Variants in TP53BP2 observed in about 807,000 individuals in gnomAD.
The protein encoded by TP53BP2 is apoptosis-stimulating of p53 protein 2.
A neutral mutation model predicts 126.2 loss-of-function variants in TP53BP2; 62 were observed. The observed-to-expected ratio is 0.49, with a 90% CI of 0.40 to 0.61. TP53BP2 has a LOEUF of 0.61. Among genes scored for constraint, TP53BP2 ranks in the 20% least tolerant of loss-of-function variants. The probability of loss-of-function intolerance (pLI) is 0.00; values close to 1 mark genes in which losing one functional copy is unlikely to be tolerated. For missense variants in TP53BP2, 1,215 were observed against 1,402.8 expected, an observed-to-expected ratio of 0.87 and a Z score of 2.14; for synonymous variants, 485 against 502.9, an observed-to-expected ratio of 0.96 and a Z score of 0.48.
At chr1:223,834,747 A>T in intron 1 of TP53BP2, 1 of 843,304 alleles carries the variant, frequency 1.2e-6, no homozygotes, top group Non-Finnish European at 1.4e-6. Context: ...TCTGTCCTGT[A>T]GTGTCAATTC....
rs1190970047 is a variant in TP53BP2, at chr1:223,798,382, T to A, written c.1781A>T (p.Gln594Leu). 1 of 1,614,122 alleles carries A rather than the reference T, an allele frequency of 6.2e-7. No homozygotes were observed. Among genetic ancestry groups the A allele is most frequent in the East Asian group, 2.2e-5 (1 of 44,878 alleles). The stretch of plus-strand genomic sequence containing the variant: ...TGGAAGTAAGGTGTCTTTGGAAGGC[T>A]GGGGAGTAAAGGGCCGGACGGCAGC... ...PAAAVRPFTPQPSKDTLLPPF... is the reference protein window; with the variant it reads ...PAAAVRPFTPLPSKDTLLPPF... Residue 594 changes from glutamine (Q) to leucine (L), a missense_variant, in exon 12 of 18, where the codon CAG becomes CTG. By Grantham distance (113) the Gln-to-Leu change is moderately radical (BLOSUM62 -2). Transcript: ENST00000343537.
intron 15 of TP53BP2, among the ~76,000 whole-genome samples, chr1:223,790,676 C>T (rs1381931819): frequency 6.7e-6 from 1 of 150,004 alleles, no homozygotes; most frequent in African/African-American, 2.5e-5. Context: ...GCAATCTCAG[C>T]TCACTGCAGT....
chr1:223,780,992 G>A, intron 17 of TP53BP2, 98 bp from the exon 18 acceptor site: 1 of 1,177,870 alleles, frequency 8.5e-7, no homozygotes, highest in Non-Finnish European at 1.2e-6. Flanking sequence ...GATGTCATGG[G>A]AAGGAAATCA....
At chr1:223,821,099 G>T in intron 2 of TP53BP2, 121 bp downstream of exon 2, 1 of 1,253,572 alleles carries the variant, frequency 8.0e-7, no homozygotes, top group Non-Finnish European at 1.1e-6. Context: ...TATTTCTGCC[G>T]GACGTGCTAT....
chr1:223,831,480 A>AAAAAATAT (rs1287271743), intron 1 of TP53BP2, among the ~76,000 whole-genome samples: 4 of 32,466 alleles, frequency 1.2e-4, no homozygotes, highest in Non-Finnish European at 1.3e-4. Context: ...AAAAAAAAAA[A>AAAAAATAT]ATATATATAT....
At chr1:223,820,741 C>T (rs1211874292) in intron 2 of TP53BP2, among the ~76,000 whole-genome samples, 1 of 152,122 alleles carries the variant, frequency 6.6e-6, no homozygotes, top group African/African-American at 2.4e-5. Flanking sequence ...CAAAAAGAAA[C>T]CAGGCTATCC....
chr1:223,836,286 T>C (rs1017541772), intron 1 of TP53BP2, among the ~76,000 whole-genome samples: 13 of 152,110 alleles, frequency 8.5e-5, no homozygotes, highest in African/African-American at 3.1e-4. Context: ...TGCAACAGAG[T>C]ACAACTTGCT....
At chr1:223,823,614 A>T (rs1663392025) in intron 1 of TP53BP2, among the ~76,000 whole-genome samples, 1 of 152,256 alleles carries the variant, frequency 6.6e-6, no homozygotes, top group Non-Finnish European at 1.5e-5. Flanking sequence ...ACAGTTCTAG[A>T]GTTCAACTTA....
rs1664265634 is a variant in TP53BP2, at chr1:223,845,933, C to T, written c.-253G>A. On this transcript the variant is annotated 5_prime_UTR_variant, in exon 1 of 18. Coordinates refer to ENST00000343537, the MANE Select transcript of TP53BP2 (RefSeq NM_001031685.3). ...CGCTCGTGACGGTCGGGGCTCCCTCCTCCGCTCCGAAACCAACTAATCCCG... is the reference window on the plus strand; with the variant it reads ...CGCTCGTGACGGTCGGGGCTCCCTCTTCCGCTCCGAAACCAACTAATCCCG... 1 of 239,136 alleles carries T rather than the reference C, an allele frequency of 4.2e-6. No individual in the cohort carries two copies. Among genetic ancestry groups the T allele is most frequent in the South Asian group, 1.6e-4 (1 of 6,068 alleles). The allele number at this position is 239,136 out of a possible 1,614,324, so 14.8% of individuals were successfully genotyped here. A position where few individuals can be genotyped will look rare whatever the true frequency, so the allele number is the denominator to read the frequency against.
chr1:223,815,757 TA>T (rs60860638), intron 2 of TP53BP2, among the ~76,000 whole-genome samples: 5,876 of 152,220 alleles, frequency 0.039, 369 homozygotes, highest in African/African-American at 0.13. Flanking sequence ...AGTGGTCCCA[TA>T]AGATTTTAAG....
At chr1:223,829,734 C>CAAA (rs541890457) in intron 1 of TP53BP2, among the ~76,000 whole-genome samples, 2 of 101,498 alleles carry the variant, frequency 2.0e-5, no homozygotes, top group African/African-American at 6.7e-5. Context: ...ATAATCAGGT[C>CAAA]AAAAAAAAAA....
chr1:223,784,840 T>C (rs1661895768), intron 16 of TP53BP2, among the ~76,000 whole-genome samples: 1 of 152,190 alleles, frequency 6.6e-6, no homozygotes, highest in South Asian at 2.1e-4. Flanking sequence ...ATATAGAATA[T>C]GTTAGAATGC....
At chr1:223,825,976 G>A (rs1232391887) in intron 1 of TP53BP2, 1 of 152,238 alleles carries the variant, frequency 6.6e-6, no homozygotes, top group Non-Finnish European at 1.5e-5. Context: ...TGAATGCAGA[G>A]AGGCAAAAAA....
chr1:223,804,348 C>T lies in TP53BP2; in HGVS notation c.475G>A (p.Glu159Lys). 6.2e-7 allele frequency: 1 copy of T among 1,612,526 alleles called. No homozygotes were observed. The highest frequency in any genetic ancestry group is 8.5e-7 in the Non-Finnish European group (1 of 1,179,704). The change falls in exon 6 of 18, where the codon GAA (glutamate) becomes AAA (lysine). Residue 159 changes from glutamate to lysine, a missense_variant and splice_region_variant. Glu to Lys is a moderately conservative substitution (Grantham distance 56). This residue lies in a region of TP53BP2 where 814 missense variants were observed against 853.0 expected (regional missense o/e 0.95). Transcript: ENST00000343537. ...TGTTTCAAAAACTTTAAGCGCTGTT[C>T]CTAAAAATAAAAGTAATCATTAGGT... is the stretch of plus-strand genomic sequence containing the variant. ...EAQQQLLATK[E>K]QRLKFLKQQD...
At position 223,802,260 on chromosome 1, in the gene TP53BP2, T is replaced by G; in HGVS notation, c.1081A>C (p.Thr361Pro). The part of the protein sequence containing the change: ...AAVGPYIQSS[T>P]MPRMPSRPEL... Reference sequence around the variant, plus strand: ...GGCCTTGAGGGCATCCGAGGCATAGTAGACGACTGGATATAGGGACCTACT... The same window carrying G: ...GGCCTTGAGGGCATCCGAGGCATAGGAGACGACTGGATATAGGGACCTACT... Residue 361 changes from threonine (T) to proline (P), a missense_variant, in exon 9 of 18, where the codon ACT (threonine) becomes CCT (proline). By Grantham distance (38) the Thr-to-Pro change is conservative. Coordinates refer to ENST00000343537, the MANE Select transcript of TP53BP2 (RefSeq NM_001031685.3). The G allele has an allele frequency of 1.2e-6, 2 of 1,614,220 alleles. No individual in the cohort carries two copies. Among genetic ancestry groups the G allele is most frequent in the Non-Finnish European group, 1.7e-6 (2 of 1,180,040 alleles).
chr1:223,812,813 C>A (rs1662957231), intron 3 of TP53BP2, among the ~76,000 whole-genome samples: 1 of 152,270 alleles, frequency 6.6e-6, no homozygotes, highest in South Asian at 2.1e-4. Context: ...CCTCCCGCCT[C>A]GTCCTCCCAA....
intron 1 of TP53BP2, among the ~76,000 whole-genome samples, chr1:223,838,108 G>A (rs920084705): frequency 7.2e-5 from 11 of 152,060 alleles, no homozygotes; most frequent in Admixed American, 3.9e-4. Context: ...AGTAGCCATC[G>A]CAGTCACATT....
intron 1 of TP53BP2, among the ~76,000 whole-genome samples, chr1:223,831,071 C>A (rs1663686776): frequency 1.3e-5 from 2 of 149,896 alleles, no homozygotes; most frequent in Non-Finnish European, 2.9e-5. Context: ...GCACTCCAGC[C>A]TGGGAGAGAG....
At chr1:223,845,524 AGCCCCG>A in intron 1 of TP53BP2, 124 bp downstream of exon 1, 1 of 1,034,966 alleles carries the variant, frequency 9.7e-7, no homozygotes, top group South Asian at 2.1e-5. Flanking sequence ...AAGCTCGGAA[AGCCCCG>A]GCCCCTCCGC....
Sources: gnomAD v4.1 joint callset for allele counts (sites outside exome capture counted in the v4.1 genomes callset) on GRCh38, gnomAD v4.1.1 for gene constraint, gnomAD v4.1.1 regional missense constraint, MANE v1.5 for transcripts, NCBI Gene and HGNC (gene_info 2026-07-23, HGNC 2026-07-21) for gene names.